Variants in DPYD observed in about 807,000 individuals in gnomAD.
DPYD encodes dihydropyrimidine dehydrogenase [NADP(+)].
A neutral mutation model predicts 116.2 loss-of-function variants in DPYD; 109 were observed. That is an observed-to-expected ratio of 0.94 (90% CI 0.80 to 1.10). The LOEUF is 1.10. DPYD is among the 50% of genes least tolerant of loss of function. The pLI is 0.00. For synonymous variants in DPYD, 440 were observed against 432.0 expected (o/e 1.02, Z -0.23); for missense variants, 1,302 against 1,254.5 (o/e 1.04, Z -0.57).
chr1:97,466,499 T>G (rs887976086), intron 13 of DPYD, among the ~76,000 whole-genome samples: 1 of 152,082 alleles, frequency 6.6e-6, no homozygotes, highest in Non-Finnish European at 1.5e-5. Flanking sequence ...GTCACTTAGA[T>G]GCCTGTCTCG....
chr1:97,499,001 G>A, intron 13 of DPYD, among the ~76,000 whole-genome samples: 1 of 151,670 alleles, frequency 6.6e-6, no homozygotes, highest in African/African-American at 2.4e-5. Flanking sequence ...TTTCTTTTAT[G>A]TAAACCTTTA....
chr1:97,488,742 T>C (rs1392898146), intron 13 of DPYD, among the ~76,000 whole-genome samples: 1 of 152,276 alleles, frequency 6.6e-6, no homozygotes, highest in African/African-American at 2.4e-5. Flanking sequence ...ACCATTGCCA[T>C]AGTAACAGCC....
At chr1:97,168,430 T>C (rs568705896) in intron 20 of DPYD, among the ~76,000 whole-genome samples, 5 of 152,190 alleles carry the variant, frequency 3.3e-5, no homozygotes, top group Non-Finnish European at 7.4e-5. Flanking sequence ...GAAGACCTAC[T>C]TCACAGATTG....
At chr1:97,468,934 T>C (rs1012223906) in intron 13 of DPYD, among the ~76,000 whole-genome samples, 14 of 152,192 alleles carry the variant, frequency 9.2e-5, no homozygotes, top group African/African-American at 3.1e-4. Flanking sequence ...CAATGCATAA[T>C]AATGGATTCC....
At chr1:97,296,144 A>G (rs1450745891) in intron 18 of DPYD, 2 of 151,412 alleles carry the variant, frequency 1.3e-5, no homozygotes, top group East Asian at 1.9e-4. Flanking sequence ...ATTTGGGGAT[A>G]CCAAACAAAA....
intron 15 of DPYD, among the ~76,000 whole-genome samples, chr1:97,379,409 C>T (rs577654321): frequency 2.2e-4 from 33 of 152,286 alleles, no homozygotes; most frequent in Admixed American, 3.9e-4. Flanking sequence ...CATTTTGGAC[C>T]ACAGCCAATT....
At chr1:97,863,346 T>C (rs1344477371) in intron 2 of DPYD, among the ~76,000 whole-genome samples, 1 of 151,966 alleles carries the variant, frequency 6.6e-6, no homozygotes, top group Admixed American at 6.6e-5. Flanking sequence ...AGATTATAAA[T>C]TGGTAATGCC....
chr1:97,805,728 A>T (rs1340228318), intron 3 of DPYD, among the ~76,000 whole-genome samples: 1 of 151,788 alleles, frequency 6.6e-6, no homozygotes, highest in African/African-American at 2.4e-5. Flanking sequence ...AGAGAGGAGA[A>T]CTTTCTTAAA....
chr1:97,087,303 T>C (rs1346859337), intron 21 of DPYD, among the ~76,000 whole-genome samples: 1 of 152,234 alleles, frequency 6.6e-6, no homozygotes, highest in African/African-American at 2.4e-5. Context: ...CTGGATATTC[T>C]ATATATGCCC....
At chr1:97,659,594 T>C (rs904410848) in intron 8 of DPYD, among the ~76,000 whole-genome samples, 3 of 152,200 alleles carry the variant, frequency 2.0e-5, no homozygotes, top group African/African-American at 4.8e-5. Context: ...CAGTACTCAC[T>C]TCTTCCTTCA....
intron 18 of DPYD, among the ~76,000 whole-genome samples, chr1:97,289,783 A>T (rs576596037): frequency 6.6e-6 from 1 of 151,908 alleles, no homozygotes; most frequent in African/African-American, 2.4e-5. Context: ...GGCACAAGAC[A>T]GTGATGCCCT....
chr1:97,674,299 G>A (rs771360499), intron 8 of DPYD, among the ~76,000 whole-genome samples: 6 of 152,090 alleles, frequency 3.9e-5, no homozygotes, highest in South Asian at 4.1e-4. Context: ...TTCCTGTTTC[G>A]TAGTGTCTAC....
chr1:97,122,484 A>G (rs1239774389), intron 20 of DPYD, among the ~76,000 whole-genome samples: 3 of 152,190 alleles, frequency 2.0e-5, no homozygotes, highest in African/African-American at 7.2e-5. Flanking sequence ...TCTAGAATAA[A>G]GAGTCATACA....
intron 5 of DPYD, among the ~76,000 whole-genome samples, chr1:97,711,324 C>T (rs1460702015): frequency 6.6e-6 from 1 of 151,858 alleles, no homozygotes; most frequent in African/African-American, 2.4e-5. Context: ...ATGCTCAGGA[C>T]ACTTACATTA....
chr1:97,546,647 C>T (rs750966749), intron 12 of DPYD: 1 of 1,612,664 alleles, frequency 6.2e-7, no homozygotes, highest in Non-Finnish European at 8.5e-7. Flanking sequence ...CTTTACATTG[C>T]AGATAGGAAG....
chr1:97,130,273 A>AT (rs1653176121), intron 20 of DPYD, among the ~76,000 whole-genome samples: 3 of 152,188 alleles, frequency 2.0e-5, no homozygotes, highest in Non-Finnish European at 4.4e-5. Context: ...AGAAAGTATA[A>AT]AATGCTACAT....
chr1:97,752,931 C>T (rs982501766), intron 3 of DPYD, among the ~76,000 whole-genome samples: 4 of 152,100 alleles, frequency 2.6e-5, no homozygotes, highest in Middle Eastern at 3.4e-3. Context: ...GATGAAAAAG[C>T]CAGAATTTTG....
intron 5 of DPYD, chr1:97,720,013 TTAAA>T: frequency 1.0e-6 from 1 of 985,022 alleles, no homozygotes; most frequent in Middle Eastern, 5.2e-4. Context: ...TGTCTCTGTC[TTAAA>T]TAGACTCTGC....
intron 3 of DPYD, among the ~76,000 whole-genome samples, chr1:97,766,005 A>C (rs2101141562): frequency 6.6e-6 from 1 of 152,262 alleles, no homozygotes; most frequent in East Asian, 1.9e-4. Flanking sequence ...GCACTTCAGG[A>C]GGCCAGGGCA....
Sources: allele counts gnomAD v4.1 joint callset (sites outside exome capture counted in the v4.1 genomes callset), GRCh38; gene constraint gnomAD v4.1.1; transcripts MANE v1.5; gene names NCBI Gene and HGNC (gene_info 2026-07-23, HGNC 2026-07-21).